Variants in HTR1E observed in about 807,000 individuals in gnomAD.
The protein encoded by HTR1E is 5-hydroxytryptamine receptor 1E.
In HTR1E, 3 loss-of-function variants were observed where a neutral mutation model predicts 3.4. That is an observed-to-expected ratio of 0.89 (90% CI 0.41 to 2.31). HTR1E has a LOEUF of 2.31. Ranked by LOEUF, HTR1E falls within the 30% of genes most tolerant of loss-of-function variation. The pLI is 0.05. For missense variants in HTR1E, 392 were observed against 467.0 expected, an observed-to-expected ratio of 0.84 and a Z score of 1.48; for synonymous variants, 170 against 182.8, an observed-to-expected ratio of 0.93 and a Z score of 0.56.
chr6:87,011,679 C>T (rs1464915779), intron 1 of HTR1E, among the ~76,000 whole-genome samples: 2 of 152,014 alleles, frequency 1.3e-5, no homozygotes, highest in South Asian at 4.2e-4. Context: ...TTTCCCTTTC[C>T]TTCAGTCAAG....
intron 1 of HTR1E, among the ~76,000 whole-genome samples, chr6:86,995,526 C>A (rs577638153): frequency 6.7e-6 from 1 of 150,372 alleles, no homozygotes; most frequent in East Asian, 2.0e-4. Flanking sequence ...ATTAGCCAGG[C>A]GTGGTGACAG....
At chr6:86,992,450 C>T (rs1384761057) in intron 1 of HTR1E, among the ~76,000 whole-genome samples, 6 of 152,126 alleles carry the variant, frequency 3.9e-5, no homozygotes, top group Admixed American at 3.3e-4. Context: ...TACCAAAGAA[C>T]GACGTGAACT....
intron 1 of HTR1E, among the ~76,000 whole-genome samples, chr6:86,954,803 T>G (rs2127818814): frequency 6.6e-6 from 1 of 152,332 alleles, no homozygotes; most frequent in East Asian, 1.9e-4. Flanking sequence ...CCGTAGATAC[T>G]CTTAATTCTT....
At chr6:86,944,427 A>G (rs917499953) in intron 1 of HTR1E, among the ~76,000 whole-genome samples, 2 of 152,224 alleles carry the variant, frequency 1.3e-5, no homozygotes, top group South Asian at 2.1e-4. Flanking sequence ...TCTCATAGTA[A>G]TGTTCTCAGA....
intron 1 of HTR1E, among the ~76,000 whole-genome samples, chr6:86,972,632 T>C (rs1201493350): frequency 1.3e-5 from 2 of 152,210 alleles, no homozygotes; most frequent in African/African-American, 4.8e-5. Context: ...TAATGGCATA[T>C]CTGTGACTTT....
chr6:86,992,158 G>A (rs1582275394), intron 1 of HTR1E, among the ~76,000 whole-genome samples: 1 of 152,160 alleles, frequency 6.6e-6, no homozygotes, highest in South Asian at 2.1e-4. Context: ...ACCTTTTTCT[G>A]GATTTGCCTT....
chr6:86,970,322 A>C (rs979194195), intron 1 of HTR1E: 1 of 152,206 alleles, frequency 6.6e-6, no homozygotes, highest in African/African-American at 2.4e-5. Flanking sequence ...CACTGAGTTG[A>C]CTGATGGCAG....
At chr6:86,972,494 G>A (rs970337626) in intron 1 of HTR1E, among the ~76,000 whole-genome samples, 3 of 152,016 alleles carry the variant, frequency 2.0e-5, no homozygotes, top group Non-Finnish European at 2.9e-5. Flanking sequence ...TGTATGAAAA[G>A]CCTTGAAATA....
intron 1 of HTR1E, among the ~76,000 whole-genome samples, chr6:87,002,713 G>C (rs1185907455): frequency 6.6e-6 from 1 of 152,170 alleles, no homozygotes; most frequent in Non-Finnish European, 1.5e-5. Flanking sequence ...TAGACACAGA[G>C]TGCTGATTGG....
intron 1 of HTR1E, among the ~76,000 whole-genome samples, chr6:86,939,278 A>G (rs1768513192): frequency 6.6e-6 from 1 of 152,230 alleles, no homozygotes; most frequent in South Asian, 2.1e-4. Flanking sequence ...AGTGGGACTC[A>G]GCTCAGTTTC....
At chr6:86,999,398 A>T (rs1328147254) in intron 1 of HTR1E, among the ~76,000 whole-genome samples, 1 of 152,244 alleles carries the variant, frequency 6.6e-6, no homozygotes, top group Admixed American at 6.5e-5. Flanking sequence ...ATATGACAAT[A>T]CACATGAATA....
At chr6:87,013,502 A>G (rs1440778556) in intron 1 of HTR1E, among the ~76,000 whole-genome samples, 1 of 152,140 alleles carries the variant, frequency 6.6e-6, no homozygotes, top group Non-Finnish European at 1.5e-5. Context: ...ATTGCAGTTA[A>G]CTTTCCAAAG....
chr6:86,987,502 CATAT>C (rs374499566), intron 1 of HTR1E, among the ~76,000 whole-genome samples: 2 of 149,446 alleles, frequency 1.3e-5, no homozygotes, highest in Non-Finnish European at 3.0e-5. Flanking sequence ...ATAATAGAAA[CATAT>C]ATATATATAT....
At chr6:86,974,213 T>C (rs1161565645) in intron 1 of HTR1E, among the ~76,000 whole-genome samples, 2 of 152,210 alleles carry the variant, frequency 1.3e-5, no homozygotes, top group African/African-American at 4.8e-5. Context: ...AGCCTAATGC[T>C]CCATCACAGC....
chr6:86,998,662 C>G (rs1411267217), intron 1 of HTR1E, among the ~76,000 whole-genome samples: 1 of 151,134 alleles, frequency 6.6e-6, no homozygotes, highest in South Asian at 2.1e-4. Context: ...CATTAAGAGA[C>G]CAGGAAAAGG....
intron 1 of HTR1E, among the ~76,000 whole-genome samples, chr6:86,993,970 TG>T (rs1344427487): frequency 7.9e-5 from 12 of 151,886 alleles, no homozygotes; most frequent in South Asian, 2.1e-4. Flanking sequence ...CATTTTACAA[TG>T]GAAAAAAATA....
At chr6:86,941,466 C>A (rs1286376356) in intron 1 of HTR1E, among the ~76,000 whole-genome samples, 2 of 152,154 alleles carry the variant, frequency 1.3e-5, no homozygotes, top group African/African-American at 2.4e-5. Context: ...GTTGTATTCC[C>A]CTAAAACACG....
intron 1 of HTR1E, among the ~76,000 whole-genome samples, chr6:86,977,937 A>G (rs144403078): frequency 3.5e-4 from 53 of 152,184 alleles, no homozygotes; most frequent in Admixed American, 2.9e-3. Context: ...ATTTGCTTAA[A>G]TTCCTTTATC....
At chr6:86,987,965 A>G (rs976773023) in intron 1 of HTR1E, among the ~76,000 whole-genome samples, 3 of 152,202 alleles carry the variant, frequency 2.0e-5, no homozygotes, top group African/African-American at 7.2e-5. Context: ...CGGAGAGGAC[A>G]TAGTTAAACC....
Sources: allele counts gnomAD v4.1 joint callset (sites outside exome capture counted in the v4.1 genomes callset), GRCh38; gene constraint gnomAD v4.1.1; transcripts MANE v1.5; gene names NCBI Gene and HGNC (gene_info 2026-07-23, HGNC 2026-07-21).